The following MOV10L1 variants were observed in gnomAD, a reference collection of about 807,000 sequenced individuals.
MOV10L1 encodes Mov10 like RNA helicase 1.
Under a neutral mutation model 143.8 loss-of-function variants are expected in MOV10L1, and 110 were observed. The observed-to-expected ratio is 0.76, with a 90% CI of 0.66 to 0.90. MOV10L1 has a LOEUF of 0.90. Ranked by LOEUF, MOV10L1 falls within the 40% of genes least tolerant of loss-of-function variation. The pLI is 0.00. For missense variants in MOV10L1, 1,406 were observed against 1,526.8 expected (o/e 0.92, Z 1.32); for synonymous variants, 593 against 581.1 (o/e 1.02, Z -0.29).
intron 20 of MOV10L1, 112 bp downstream of exon 20, chr22:50,149,826 T>C: frequency 1.1e-6 from 1 of 933,582 alleles, no homozygotes; most frequent in East Asian, 2.6e-5. Flanking sequence ...CAGGTGGAAG[T>C]GCCAAGGACC....
chr22:50,113,961 C>T (rs959663097), intron 6 of MOV10L1, among the ~76,000 whole-genome samples, 173 bp downstream of exon 6: 4 of 146,134 alleles, frequency 2.7e-5, no homozygotes, highest in African/African-American at 2.6e-5. Context: ...CTCCGTCGCC[C>T]GGGCTGGAGT....
chr22:50,149,796 A>C lies in MOV10L1; in HGVS notation c.2727+82A>C, dbSNP rs558966483. 112 of 1,311,662 alleles carry C rather than the reference A, an allele frequency of 8.5e-5. No homozygotes were observed. In the African/African-American group the frequency reaches 1.6e-3, roughly 19 times the overall value. The allele number at this position is 1,311,662 out of a possible 1,614,324, so 81.3% of individuals were successfully genotyped here. A position where few individuals can be genotyped will look rare whatever the true frequency, so the allele number is the denominator to read the frequency against. On this transcript the variant is annotated intron_variant, in intron 20 of 26. Transcript: ENST00000262794. ...TGCAGGCTGCGATCCTGCCGGGAAC[A>C]GTCACAGCTGTACAGGGGTCAGGTG...
chr22:50,130,275 AAAAT>A (rs1427435071), intron 13 of MOV10L1, among the ~76,000 whole-genome samples: 1 of 152,068 alleles, frequency 6.6e-6, no homozygotes, highest in South Asian at 2.1e-4. Flanking sequence ...TCTGTCTCAA[AAAAT>A]AAATAAATAA....
intron 2 of MOV10L1, among the ~76,000 whole-genome samples, chr22:50,098,292 T>G (rs758715923): frequency 9.8e-6 from 1 of 102,394 alleles, no homozygotes; most frequent in African/African-American, 2.9e-5. Context: ...TTGAGTAGTA[T>G]TATCATCTTA....
intron 8 of MOV10L1, 70 bp downstream of exon 8, chr22:50,115,316 A>G (rs1407378343): frequency 1.4e-6 from 2 of 1,417,170 alleles, no homozygotes; most frequent in African/African-American, 1.5e-5. Flanking sequence ...TGGGTGTTAT[A>G]AAAGGTACTC....
intron 1 of MOV10L1, 153 bp downstream of exon 1, chr22:50,090,338 G>A (rs2062395696): frequency 5.4e-6 from 8 of 1,485,322 alleles, no homozygotes; most frequent in Non-Finnish European, 7.2e-6. Flanking sequence ...ATCCCCGTTC[G>A]CCTCAGGAGG....
At chr22:50,149,581 G>A in intron 19 of MOV10L1, 34 bp from the exon 20 acceptor site, 1 of 1,605,176 alleles carries the variant, frequency 6.2e-7, no homozygotes, top group Non-Finnish European at 8.5e-7. Context: ...AAACAATTCG[G>A]CAGAAATTAC....
At chr22:50,118,799 G>A (rs1180357702) in intron 9 of MOV10L1, among the ~76,000 whole-genome samples, 7 of 152,188 alleles carry the variant, frequency 4.6e-5, no homozygotes, top group African/African-American at 1.7e-4. Flanking sequence ...AACTCCAGTT[G>A]TCCATCTTGG....
In MOV10L1 at chr22:50,140,240, T is replaced by C. The variant is rs371264048; in HGVS notation, c.2071-1841T>C. 4.6e-5 allele frequency among the ~76,000 whole-genome samples: 7 copies of C among 152,226 alleles called. No individual in the cohort carries two copies. In the East Asian group the frequency reaches 5.8e-4, roughly 13 times the overall value. On this transcript the variant is annotated intron_variant, in intron 15 of 26. Coordinates refer to ENST00000262794, the MANE Select transcript of MOV10L1 (RefSeq NM_018995.3). ...ATATGAAGTATGAAGTTCGAGAGCA[T>C]GTGAGCCAGCCAGTGCCACTGGAGG...
intron 2 of MOV10L1, among the ~76,000 whole-genome samples, chr22:50,097,423 T>A (rs1400599094): frequency 6.6e-6 from 1 of 152,206 alleles, no homozygotes; most frequent in African/African-American, 2.4e-5. Context: ...TTAATCCATT[T>A]TGAGTTAATT....
chr22:50,108,334 T>C (rs1385840707), intron 4 of MOV10L1, 86 bp downstream of exon 4: 1 of 1,221,962 alleles, frequency 8.2e-7, no homozygotes, highest in Non-Finnish European at 1.2e-6. Context: ...TTCTCCTGCA[T>C]GTGTTGGAAG....
chr22:50,160,687 G>A lies in MOV10L1; in HGVS notation c.3325-1G>A, dbSNP rs1407565865. On this transcript the variant is annotated splice_acceptor_variant, in intron 24 of 26. Transcript: ENST00000262794. LOFTEE classifies it high-confidence loss of function. ...TTTTATTCATCTCTGTGTGCTTTTA[G>A]GTACGGTCAAATGAAGATAGATTTG... The A allele has an allele frequency of 6.2e-7, 1 of 1,613,208 alleles. No individual in the cohort carries two copies. The highest frequency in any genetic ancestry group is 8.5e-7 in the Non-Finnish European group (1 of 1,179,706).
At chr22:50,149,827 G>T in intron 20 of MOV10L1, 113 bp downstream of exon 20, 1 of 918,968 alleles carries the variant, frequency 1.1e-6, no homozygotes, top group South Asian at 1.6e-5. Flanking sequence ...AGGTGGAAGT[G>T]CCAAGGACCC....
intron 9 of MOV10L1, among the ~76,000 whole-genome samples, 169 bp from the exon 10 acceptor site, chr22:50,120,333 A>G (rs374191739): frequency 6.6e-6 from 1 of 152,230 alleles, no homozygotes; most frequent in African/African-American, 2.4e-5. Context: ...CCAGAGCTAA[A>G]ACGAAAGCTT....
intron 14 of MOV10L1, 114 bp from the exon 15 acceptor site, chr22:50,134,416 G>A: frequency 1.3e-6 from 1 of 783,828 alleles, no homozygotes; most frequent in Non-Finnish European, 2.1e-6. Flanking sequence ...GGCAGGTTAA[G>A]AAAGGAAGGG....
At chr22:50,156,427 G>A (rs760785760) in intron 22 of MOV10L1, among the ~76,000 whole-genome samples, 7 of 152,146 alleles carry the variant, frequency 4.6e-5, no homozygotes, top group Non-Finnish European at 1.0e-4. Context: ...CCATTTTTAA[G>A]TGTAAAGTTT....
At position 50,143,219 on chromosome 22, in the gene MOV10L1, C is replaced by T; in HGVS notation, c.2356C>T (p.Gln786Ter). 1 of 1,613,936 alleles carries T rather than the reference C, an allele frequency of 6.2e-7. No homozygotes were observed. The highest frequency in any genetic ancestry group is 8.5e-7 in the Non-Finnish European group (1 of 1,179,990). The change falls in exon 17 of 27, where the codon CAG becomes TAG. Residue 786 changes from glutamine to a stop codon, truncating the protein, a stop_gained and splice_region_variant. Coordinates refer to ENST00000262794, the MANE Select transcript of MOV10L1 (RefSeq NM_018995.3). LOFTEE classifies it high-confidence loss of function. ...AGTGACAATAATAGAGGCTGTTTTA[C>T]AGGTAAGGACAGCGGCGCCGCGGGT... Reference protein sequence around the residue: ...KTVTIIEAVLQVHFALPDSRI... With the variant: ...KTVTIIEAVL
Position 50,143,080 on chromosome 22 carries a change from G to A in MOV10L1, c.2217G>A (p.Glu739=), listed in dbSNP as rs1293618828. 9.9e-6 allele frequency: 16 copies of A among 1,614,186 alleles called. 1 individual carries two copies. The East Asian group carries it at 3.6e-4, about 36-fold the overall frequency. Residue 739 remains glutamate, a synonymous_variant, in exon 17 of 27, where the codon GAG becomes GAA. Coordinates refer to ENST00000262794, the MANE Select transcript of MOV10L1 (RefSeq NM_018995.3). ...AGACCCCTAAAGCAAGAAAGATGGA[G>A]TTTTTCAACCCAGTGCTAAATGAAA... The part of the protein sequence containing the change: ...EIQTPKARKM[E]FFNPVLNENQ...
chr22:50,121,708 G>T (rs1174385641), intron 10 of MOV10L1, among the ~76,000 whole-genome samples: 1 of 152,206 alleles, frequency 6.6e-6, no homozygotes, highest in African/African-American at 2.4e-5. Context: ...ACCTGGGTCT[G>T]CTAGGATGGA....
Sources: gnomAD v4.1 joint callset for allele counts (sites outside exome capture counted in the v4.1 genomes callset) on GRCh38, gnomAD v4.1.1 for gene constraint, MANE v1.5 for transcripts, NCBI Gene and HGNC (gene_info 2026-07-23, HGNC 2026-07-21) for gene names.